Variants in STK32A observed in about 807,000 individuals in gnomAD.
The protein encoded by STK32A is serine/threonine kinase 32A, also known as serine/threonine-protein kinase 32A.
A neutral mutation model predicts 53.2 loss-of-function variants in STK32A; 41 were observed. That is an observed-to-expected ratio of 0.77 (90% CI 0.60 to 1.00). The LOEUF is 1.00. Among genes scored for constraint, STK32A ranks in the 50% least tolerant of loss-of-function variants. The pLI, the probability that STK32A is intolerant of heterozygous loss-of-function variation, is 0.00. For synonymous variants in STK32A, 166 were observed against 162.8 expected, an observed-to-expected ratio of 1.02 and a Z score of -0.15; for missense variants, 458 against 485.8, an observed-to-expected ratio of 0.94 and a Z score of 0.54.
chr5:147,299,044 G>A (rs571202062), intron 4 of STK32A, among the ~76,000 whole-genome samples: 2 of 152,148 alleles, frequency 1.3e-5, no homozygotes, highest in Non-Finnish European at 2.9e-5. Context: ...TGGATCTCAC[G>A]CAAGAAAGAA....
downstream of STK32A, among the ~76,000 whole-genome samples, chr5:147,390,261 CAG>C (rs1407530860): frequency 5.3e-5 from 8 of 152,110 alleles, no homozygotes; most frequent in African/African-American, 1.7e-4. Context: ...CGGGATTTCT[CAG>C]AGTCTTCAAG....
intron 4 of STK32A, among the ~76,000 whole-genome samples, chr5:147,293,279 A>T: frequency 6.6e-6 from 1 of 152,306 alleles, no homozygotes; most frequent in East Asian, 1.9e-4. Flanking sequence ...ATACCAAAAC[A>T]TATTGGAACT....
At chr5:147,394,253 A>G in the STK32A span, 1 of 866,126 alleles carries the variant, frequency 1.2e-6, no homozygotes, top group Non-Finnish European at 1.8e-6. Context: ...CTCACCTCCC[A>G]AGAAACTTCC....
intron 4 of STK32A, among the ~76,000 whole-genome samples, chr5:147,285,133 C>T (rs762868868): frequency 6.6e-6 from 1 of 152,060 alleles, no homozygotes; most frequent in Non-Finnish European, 1.5e-5. Flanking sequence ...GAATAGAGAA[C>T]ACAGAAATAA....
chr5:147,379,754 C>T (rs541985414), intron 11 of STK32A, among the ~76,000 whole-genome samples: 15 of 152,292 alleles, frequency 9.8e-5, no homozygotes, highest in Admixed American at 9.2e-4. Flanking sequence ...TCCACCTGCT[C>T]TAACCCCTTC....
chr5:147,276,288 G>GTA (rs1755257704), intron 2 of STK32A, among the ~76,000 whole-genome samples: 1 of 152,152 alleles, frequency 6.6e-6, no homozygotes, highest in South Asian at 2.1e-4. Context: ...AGCCAGGATT[G>GTA]TATATATATG....
intron 8 of STK32A, 141 bp downstream of exon 8, chr5:147,361,755 T>C (rs1427082159): frequency 1.5e-6 from 1 of 661,070 alleles, no homozygotes. Context: ...TAACACCCCT[T>C]GAGATTTCTG....
chr5:147,334,541 T>A (rs1422095551), intron 5 of STK32A, among the ~76,000 whole-genome samples: 1 of 152,178 alleles, frequency 6.6e-6, no homozygotes, highest in Non-Finnish European at 1.5e-5. Context: ...AGTGGAATAG[T>A]TACATCAGAT....
At chr5:147,256,532 A>G (rs572792921) in intron 2 of STK32A, among the ~76,000 whole-genome samples, 1 of 152,054 alleles carries the variant, frequency 6.6e-6, no homozygotes, top group East Asian at 1.9e-4. Context: ...GTTTTTTGAG[A>G]CGGAGTTTCG....
intron 4 of STK32A, among the ~76,000 whole-genome samples, chr5:147,300,914 A>G (rs1197872505): frequency 6.6e-6 from 1 of 152,202 alleles, no homozygotes; most frequent in Non-Finnish European, 1.5e-5. Flanking sequence ...GTGACTTTAC[A>G]CAACAACTGA....
intron 8 of STK32A, among the ~76,000 whole-genome samples, chr5:147,368,684 A>G (rs1756878201): frequency 6.6e-6 from 1 of 152,208 alleles, no homozygotes; most frequent in Non-Finnish European, 1.5e-5. Flanking sequence ...CTGTAAAAGT[A>G]AATTAAAAAA....
At chr5:147,303,902 T>C (rs1753266563) in intron 4 of STK32A, among the ~76,000 whole-genome samples, 1 of 152,190 alleles carries the variant, frequency 6.6e-6, no homozygotes, top group African/African-American at 2.4e-5. Context: ...CCTAGAGATG[T>C]TGACTGACTG....
At chr5:147,398,324 A>G in the STK32A span, among the ~76,000 whole-genome samples, 1 of 152,232 alleles carries the variant, frequency 6.6e-6, no homozygotes, top group East Asian at 1.9e-4. Context: ...TGTACTGCCA[A>G]TAATTAAGAA....
intron 5 of STK32A, among the ~76,000 whole-genome samples, chr5:147,341,083 C>T (rs1755380060): frequency 6.6e-6 from 1 of 152,122 alleles, no homozygotes; most frequent in South Asian, 2.1e-4. Flanking sequence ...ATGTCAAATC[C>T]ACAGCAATTA....
At chr5:147,329,357 C>G (rs1754752176) in intron 5 of STK32A, among the ~76,000 whole-genome samples, 1 of 152,028 alleles carries the variant, frequency 6.6e-6, no homozygotes, top group Non-Finnish European at 1.5e-5. Context: ...AGTACCTTGA[C>G]AGTGAAGAAA....
chr5:147,376,762 T>C (rs557461157), intron 11 of STK32A, among the ~76,000 whole-genome samples: 3 of 152,292 alleles, frequency 2.0e-5, no homozygotes, highest in African/African-American at 7.2e-5. Flanking sequence ...CATCTTCACA[T>C]AGGGGGCTTC....
intron 5 of STK32A, among the ~76,000 whole-genome samples, chr5:147,339,519 A>T (rs1241331951): frequency 2.0e-5 from 3 of 152,216 alleles, no homozygotes; most frequent in Non-Finnish European, 4.4e-5. Context: ...GAGCTGTGAG[A>T]AGAAGGTCAC....
At chr5:147,294,474 C>T (rs1196015501) in intron 4 of STK32A, among the ~76,000 whole-genome samples, 1 of 151,948 alleles carries the variant, frequency 6.6e-6, no homozygotes, top group Non-Finnish European at 1.5e-5. Flanking sequence ...ATTGGCCAGG[C>T]TGGTATACTT....
chr5:147,362,820 G>A (rs1279666834), intron 8 of STK32A, among the ~76,000 whole-genome samples: 1 of 152,180 alleles, frequency 6.6e-6, no homozygotes, highest in African/African-American at 2.4e-5. Flanking sequence ...ACTGGCTCAT[G>A]CCTGTAATCC....
Sources: allele counts gnomAD v4.1 joint callset (sites outside exome capture counted in the v4.1 genomes callset), GRCh38; gene constraint gnomAD v4.1.1; transcripts MANE v1.5; gene names NCBI Gene and HGNC (gene_info 2026-07-23, HGNC 2026-07-21).